The following STIP1 variants were observed in gnomAD, a reference collection of about 807,000 sequenced individuals.
The protein encoded by STIP1 is stress induced phosphoprotein 1.
STIP1 carries 16 observed loss-of-function variants against 77.4 expected under a neutral mutation model. The observed-to-expected ratio is 0.21, with a 90% CI of 0.14 to 0.31. The LOEUF (loss-of-function observed/expected upper bound fraction) is 0.31, where lower values mean the gene tolerates loss of function less well. STIP1 is among the 10% of genes least tolerant of loss of function. The pLI, the probability that STIP1 is intolerant of heterozygous loss-of-function variation, is 1.00. For synonymous variants in STIP1, 258 were observed against 246.6 expected (o/e 1.05, Z -0.44); for missense variants, 524 against 684.8 (o/e 0.77, Z 2.62).
intron 1 of STIP1, among the ~76,000 whole-genome samples, chr11:64,186,996 T>G (rs1157086045): frequency 6.6e-6 from 1 of 151,966 alleles, no homozygotes; most frequent in Non-Finnish European, 1.5e-5. Flanking sequence ...TTTGTATGCT[T>G]GTGTGTGTGA....
chr11:64,201,206 A>G (rs1268785139), intron 10 of STIP1, among the ~76,000 whole-genome samples: 1 of 151,880 alleles, frequency 6.6e-6, no homozygotes, highest in Non-Finnish European at 1.5e-5. Context: ...TACCCAGCTA[A>G]TTTTTGTATT....
chr11:64,187,980 G>C (rs904727846), intron 1 of STIP1, among the ~76,000 whole-genome samples: 7 of 148,950 alleles, frequency 4.7e-5, no homozygotes, highest in African/African-American at 1.8e-4. Flanking sequence ...TCCAGCCTGG[G>C]CCATAGAGCG....
Position 64,194,272 on chromosome 11 carries a change from C to T in STIP1, c.303C>T (p.His101=), listed in dbSNP as rs142330035. The change falls in exon 3 of 14, where the codon CAC becomes CAT. Residue 101 remains histidine, a synonymous_variant. Coordinates refer to ENST00000305218, the MANE Select transcript of STIP1 (RefSeq NM_006819.3). ...GAACCTATGAGGAGGGCTTAAAACA[C>T]GAGGCAAATAACCCTCAACTGAAAG... ...AKRTYEEGLK[H]EANNPQLKEG... is the part of the protein sequence containing the mutation. 134 of 1,614,156 alleles carry T rather than the reference C, an allele frequency of 8.3e-5. 1 individual carries two copies. In the East Asian group the frequency reaches 2.3e-3, roughly 28 times the overall value.
chr11:64,187,833 C>G (rs1203119343), intron 1 of STIP1, among the ~76,000 whole-genome samples: 1 of 151,884 alleles, frequency 6.6e-6, no homozygotes, highest in Admixed American at 6.6e-5. Flanking sequence ...AACCCCGTCT[C>G]TACTAAAAAT....
At chr11:64,186,837 G>A (rs1946027302) in intron 1 of STIP1, among the ~76,000 whole-genome samples, 1 of 152,236 alleles carries the variant, frequency 6.6e-6, no homozygotes, top group Admixed American at 6.5e-5. Flanking sequence ...ATCTGAGAAG[G>A]TCAGGGTGGG....
At chr11:64,191,511 C>T (rs1210654133) in intron 1 of STIP1, among the ~76,000 whole-genome samples, 2 of 152,128 alleles carry the variant, frequency 1.3e-5, no homozygotes, top group Non-Finnish European at 2.9e-5. Flanking sequence ...GAGGCTGAGG[C>T]AGGAGAATCG....
chr11:64,186,502 C>G (rs1028137946), intron 1 of STIP1: 1 of 353,816 alleles, frequency 2.8e-6, no homozygotes, highest in African/African-American at 2.2e-5. Context: ...GAGGAGGGCC[C>G]GGCGGAGGCC....
intron 7 of STIP1, 48 bp from the exon 8 acceptor site, chr11:64,197,806 A>G (rs1946167510): frequency 6.3e-7 from 1 of 1,593,700 alleles, no homozygotes; most frequent in Middle Eastern, 2.3e-4. Flanking sequence ...GCAGGAGCTG[A>G]CTTTATCTCT....
At chr11:64,185,956 T>A (rs766346488), upstream of STIP1, 1 of 1,537,732 alleles carries the variant, frequency 6.5e-7, no homozygotes, top group Non-Finnish European at 8.7e-7. Context: ...CCTCCCTCCA[T>A]TCGTGGAGCC....
At chr11:64,194,396 G>T (rs987577375) in intron 3 of STIP1, 66 bp downstream of exon 3, 7 of 1,610,418 alleles carry the variant, frequency 4.3e-6, no homozygotes, top group Non-Finnish European at 5.9e-6. Flanking sequence ...TCACCCCTGA[G>T]AAATGTCAGT....
At chr11:64,188,072 C>T (rs1309767521) in intron 1 of STIP1, among the ~76,000 whole-genome samples, 1 of 142,714 alleles carries the variant, frequency 7.0e-6, no homozygotes, top group African/African-American at 2.6e-5. Flanking sequence ...CTCGGCTGGG[C>T]GCAGTGGCTC....
At chr11:64,198,755 T>TTG (rs1946179903) in intron 8 of STIP1, among the ~76,000 whole-genome samples, 2 of 148,266 alleles carry the variant, frequency 1.3e-5, no homozygotes, top group Non-Finnish European at 1.5e-5. Context: ...TTTTTGTGGT[T>TTG]TTTTTTTTTT....
intron 13 of STIP1, 109 bp from the exon 14 acceptor site, chr11:64,203,945 C>T (rs1946251792): frequency 3.7e-6 from 5 of 1,339,768 alleles, no homozygotes; most frequent in Non-Finnish European, 5.3e-6. Context: ...TCGCCAGGAC[C>T]CCTCCCTGCC....
chr11:64,203,978 G>A, intron 13 of STIP1, 76 bp from the exon 14 acceptor site: 1 of 1,558,898 alleles, frequency 6.4e-7, no homozygotes, highest in East Asian at 2.2e-5. Context: ...AGAGGGGGTT[G>A]AATTGGGGCT....
chr11:64,185,519 C>T (rs1945999400), upstream of STIP1: 1 of 397,754 alleles, frequency 2.5e-6, no homozygotes. Flanking sequence ...GCTCGAGGGA[C>T]AGGCAGCTCC....
chr11:64,203,420 C>T (rs768224199), intron 12 of STIP1, 30 bp from the exon 13 acceptor site: 19 of 1,613,128 alleles, frequency 1.2e-5, no homozygotes, highest in South Asian at 3.3e-5. Flanking sequence ...GGTCCTAACA[C>T]GCTTCACCTT....
At position 64,186,177 on chromosome 11, in the gene STIP1, T is replaced by C. The variant is rs949557308; in HGVS notation, c.-85T>C. The C allele has an allele frequency of 6.5e-6, 10 of 1,550,068 alleles. No homozygotes were observed. The highest frequency in any genetic ancestry group is 2.7e-5 in the African/African-American group (2 of 72,948). On this transcript the variant is annotated 5_prime_UTR_variant, in exon 1 of 14. Coordinates refer to ENST00000305218, the MANE Select transcript of STIP1 (RefSeq NM_006819.3). Reference sequence around the variant, plus strand: ...CGGGAGCCGGGGTCCCGGTAGCTTCTAGTAGGTTCCAGAAGGCGGCGCGTG... The same window carrying C: ...CGGGAGCCGGGGTCCCGGTAGCTTCCAGTAGGTTCCAGAAGGCGGCGCGTG...
chr11:64,191,678 C>T (rs1946094266), intron 1 of STIP1, among the ~76,000 whole-genome samples: 1 of 151,948 alleles, frequency 6.6e-6, no homozygotes, highest in Non-Finnish European at 1.5e-5. Flanking sequence ...TGTGGGGCAC[C>T]TGACCTTTTG....
intron 10 of STIP1, chr11:64,202,338 TTCTCTTGCCTCAG>T (rs1946227332): frequency 3.3e-5 from 5 of 152,478 alleles, no homozygotes; most frequent in Admixed American, 3.3e-4. Context: ...ATTCAAGCGA[TTCTCTTGCCTCAG>T]TCTCTTGAGT....
Sources: gnomAD v4.1 joint callset for allele counts (sites outside exome capture counted in the v4.1 genomes callset) on GRCh38, gnomAD v4.1.1 for gene constraint, MANE v1.5 for transcripts, NCBI Gene and HGNC (gene_info 2026-07-23, HGNC 2026-07-21) for gene names.